Variants in NKAIN3 observed in about 807,000 individuals in gnomAD.
NKAIN3 encodes the protein sodium/potassium transporting ATPase interacting 3, also known as sodium/potassium-transporting ATPase subunit beta-1-interacting protein 3.
A neutral mutation model predicts 30.2 loss-of-function variants in NKAIN3; 25 were observed. That is an observed-to-expected ratio of 0.83 (90% CI 0.60 to 1.16). NKAIN3 has a LOEUF of 1.16. Among genes scored for constraint, NKAIN3 ranks in the 50% most tolerant of loss-of-function variants. The probability of loss-of-function intolerance (pLI) is 0.00; values close to 1 mark genes in which losing one functional copy is unlikely to be tolerated. For missense variants in NKAIN3, 225 were observed against 254.1 expected (o/e 0.89, Z 0.78); for synonymous variants, 91 against 89.6 (o/e 1.02, Z -0.09).
intron 4 of NKAIN3, among the ~76,000 whole-genome samples, chr8:62,892,024 C>G (rs1239281616): frequency 6.6e-6 from 1 of 152,130 alleles, no homozygotes; most frequent in Non-Finnish European, 1.5e-5. Flanking sequence ...AGCAATGGCA[C>G]AAACAACAAA....
At chr8:62,380,090 T>C (rs1347171012) in intron 1 of NKAIN3, among the ~76,000 whole-genome samples, 3 of 152,222 alleles carry the variant, frequency 2.0e-5, no homozygotes, top group Non-Finnish European at 4.4e-5. Context: ...TGGTAACTAG[T>C]ACTTTAACAT....
intron 4 of NKAIN3, among the ~76,000 whole-genome samples, chr8:62,834,318 C>G (rs1205255731): frequency 6.6e-6 from 1 of 152,042 alleles, no homozygotes. Context: ...ACTGGAAGTG[C>G]TAGCCAGAGC....
chr8:62,734,759 G>A (rs554761750), intron 3 of NKAIN3, among the ~76,000 whole-genome samples: 9 of 152,322 alleles, frequency 5.9e-5, no homozygotes, highest in Admixed American at 5.2e-4. Context: ...AGAAGTCTGT[G>A]TCATATATAG....
intron 1 of NKAIN3, among the ~76,000 whole-genome samples, chr8:62,489,813 A>G (rs58856457): frequency 0.022 from 3,316 of 152,250 alleles, 122 homozygotes; most frequent in African/African-American, 0.075. Context: ...TATCCTGTGC[A>G]TTTGGTGGAT....
intron 4 of NKAIN3, among the ~76,000 whole-genome samples, chr8:62,806,313 G>A (rs773488347): frequency 4.6e-5 from 7 of 152,014 alleles, no homozygotes; most frequent in Middle Eastern, 3.2e-3. Context: ...GGTATATACC[G>A]AAAGGACTAT....
Position 62,648,739 on chromosome 8 carries a change from C to T in NKAIN3, c.273+58945C>T, listed in dbSNP as rs375509745. ...GATCAACATTTGCCTCTTAGCCATTCTAGGGCTTAGTTAATCTAGGCAGCT... is the reference window on the plus strand; with the variant it reads ...GATCAACATTTGCCTCTTAGCCATTTTAGGGCTTAGTTAATCTAGGCAGCT... On this transcript the variant is annotated intron_variant, in intron 3 of 6. Coordinates refer to ENST00000623646, the MANE Select transcript of NKAIN3 (RefSeq NM_001304533.3). Among the ~76,000 whole-genome samples the T allele has an allele frequency of 9.2e-5, 14 of 152,274 alleles. No homozygotes were observed. In the South Asian group the frequency reaches 2.9e-3, roughly 32 times the overall value.
intron 3 of NKAIN3, among the ~76,000 whole-genome samples, chr8:62,599,808 C>T (rs1405691049): frequency 6.6e-6 from 1 of 151,992 alleles, no homozygotes; most frequent in East Asian, 1.9e-4. Flanking sequence ...CTCCTGGTGT[C>T]CCTACCACTT....
At chr8:62,586,953 C>A (rs1810494475) in intron 2 of NKAIN3, among the ~76,000 whole-genome samples, 1 of 151,756 alleles carries the variant, frequency 6.6e-6, no homozygotes, top group African/African-American at 2.4e-5. Flanking sequence ...ATTTAATATA[C>A]CTAAATACAT....
intron 4 of NKAIN3, among the ~76,000 whole-genome samples, chr8:62,770,731 T>C (rs1389900440): frequency 6.6e-6 from 1 of 151,616 alleles, no homozygotes. Flanking sequence ...TGCAGACTTA[T>C]AGGTGACCTC....
chr8:62,542,529 G>A (rs1345864531), intron 1 of NKAIN3, among the ~76,000 whole-genome samples: 4 of 152,058 alleles, frequency 2.6e-5, no homozygotes, highest in Non-Finnish European at 5.9e-5. Context: ...GAAAGGGTAA[G>A]CATATAATGG....
At chr8:62,511,430 G>C (rs1703527302) in intron 1 of NKAIN3, among the ~76,000 whole-genome samples, 3 of 152,138 alleles carry the variant, frequency 2.0e-5, no homozygotes, top group Admixed American at 2.0e-4. Context: ...CCCTGGAATA[G>C]TCTTCTTATC....
intron 6 of NKAIN3, among the ~76,000 whole-genome samples, chr8:62,960,735 G>GCACACACACA (rs113227908): frequency 0.062 from 9,127 of 148,350 alleles, 328 homozygotes; most frequent in South Asian, 0.11. Flanking sequence ...CAGGAAAAAA[G>GCACACACACA]CACACACACA....
At chr8:62,853,830 G>A (rs1372211962) in intron 4 of NKAIN3, among the ~76,000 whole-genome samples, 1 of 152,068 alleles carries the variant, frequency 6.6e-6, no homozygotes, top group Non-Finnish European at 1.5e-5. Context: ...TTTGATGTGG[G>A]TATTTAGTGC....
At chr8:62,352,306 A>C (rs2129591844) in intron 1 of NKAIN3, among the ~76,000 whole-genome samples, 1 of 152,178 alleles carries the variant, frequency 6.6e-6, no homozygotes, top group South Asian at 2.1e-4. Flanking sequence ...TCTGATCAAG[A>C]TCTCCTTGCT....
intron 5 of NKAIN3, among the ~76,000 whole-genome samples, chr8:62,945,500 A>G (rs1249375659): frequency 6.6e-6 from 1 of 152,214 alleles, no homozygotes; most frequent in African/African-American, 2.4e-5. Context: ...TGATGCACCA[A>G]GTTAAGGTTC....
intron 3 of NKAIN3, among the ~76,000 whole-genome samples, chr8:62,621,763 C>T (rs1287483412): frequency 6.6e-6 from 1 of 152,006 alleles, no homozygotes; most frequent in Non-Finnish European, 1.5e-5. Flanking sequence ...GATGTCAAGT[C>T]TCAGAACTCC....
chr8:62,817,490 C>T (rs1818720503), intron 4 of NKAIN3, among the ~76,000 whole-genome samples: 1 of 152,120 alleles, frequency 6.6e-6, no homozygotes, highest in Non-Finnish European at 1.5e-5. Flanking sequence ...ATCCACCCAC[C>T]TTCACTGACT....
intron 4 of NKAIN3, among the ~76,000 whole-genome samples, chr8:62,821,422 T>A (rs1818844678): frequency 6.6e-6 from 1 of 152,174 alleles, no homozygotes; most frequent in South Asian, 2.1e-4. Flanking sequence ...GAAATTTTTC[T>A]TTTAAGGTTA....
intron 1 of NKAIN3, among the ~76,000 whole-genome samples, chr8:62,491,032 C>T (rs372065828): frequency 6.6e-6 from 1 of 152,160 alleles, no homozygotes; most frequent in Admixed American, 6.6e-5. Context: ...AGAACCAATA[C>T]TGATTGACAA....
Sources: gnomAD v4.1 joint callset for allele counts (sites outside exome capture counted in the v4.1 genomes callset) on GRCh38, gnomAD v4.1.1 for gene constraint, MANE v1.5 for transcripts, NCBI Gene and HGNC (gene_info 2026-07-23, HGNC 2026-07-21) for gene names.